KHDRBS2: variants seen among roughly 807,000 people sequenced by gnomAD.
KHDRBS2 encodes KH domain-containing, RNA-binding, signal transduction-associated protein 2.
A neutral mutation model predicts 44.3 loss-of-function variants in KHDRBS2; 26 were observed. The ratio of observed to expected loss-of-function variants is 0.59; its 90% CI spans 0.43 to 0.81. KHDRBS2 has a LOEUF of 0.81. Ranked by LOEUF, KHDRBS2 falls within the 40% of genes least tolerant of loss-of-function variation. The probability of loss-of-function intolerance (pLI) is 0.00; values close to 1 mark genes in which losing one functional copy is unlikely to be tolerated. For missense variants in KHDRBS2, 476 were observed against 433.1 expected, an observed-to-expected ratio of 1.10 and a Z score of -0.88; for synonymous variants, 194 against 151.1, an observed-to-expected ratio of 1.28 and a Z score of -2.08.
At chr6:61,910,561 T>C (rs766639859) in intron 4 of KHDRBS2, among the ~76,000 whole-genome samples, 55 of 152,186 alleles carry the variant, frequency 3.6e-4, no homozygotes, top group Admixed American at 1.8e-3. Flanking sequence ...GAGAATAAGA[T>C]AGTACCAATA....
intron 1 of KHDRBS2, among the ~76,000 whole-genome samples, chr6:62,269,268 TCTC>T (rs74995324): frequency 0.21 from 31,223 of 151,708 alleles, 4,056 homozygotes; most frequent in African/African-American, 0.38. Flanking sequence ...ATTAATAACT[TCTC>T]CTCTCTGAAA....
At chr6:62,008,729 G>A (rs1779737292) in intron 3 of KHDRBS2, among the ~76,000 whole-genome samples, 2 of 151,996 alleles carry the variant, frequency 1.3e-5, no homozygotes, top group Admixed American at 1.3e-4. Flanking sequence ...ATATTGAATG[G>A]GCCTCACAAG....
At chr6:62,110,460 A>G (rs548711586) in intron 2 of KHDRBS2, among the ~76,000 whole-genome samples, 1 of 152,202 alleles carries the variant, frequency 6.6e-6, no homozygotes, top group African/African-American at 2.4e-5. Context: ...CATCACATCA[A>G]TGAACAAAGA....
intron 1 of KHDRBS2, among the ~76,000 whole-genome samples, chr6:62,191,253 A>C (rs1824539558): frequency 6.6e-6 from 1 of 152,068 alleles, no homozygotes; most frequent in Non-Finnish European, 1.5e-5. Context: ...ACCACTTTCT[A>C]GTCTTCTTTC....
At chr6:61,632,057 T>C in the KHDRBS2 span, among the ~76,000 whole-genome samples, 3 of 152,206 alleles carry the variant, frequency 2.0e-5, no homozygotes, top group Non-Finnish European at 4.4e-5. Context: ...AGTGTCCACT[T>C]ACATGCCCTT....
At chr6:62,004,906 C>T (rs959188543) in intron 3 of KHDRBS2, among the ~76,000 whole-genome samples, 3 of 152,076 alleles carry the variant, frequency 2.0e-5, no homozygotes, top group African/African-American at 7.2e-5. Flanking sequence ...GAACCAAAGA[C>T]AAAAACCACA....
At chr6:62,084,014 C>T (rs1030404255) in intron 2 of KHDRBS2, among the ~76,000 whole-genome samples, 11 of 152,182 alleles carry the variant, frequency 7.2e-5, no homozygotes, top group Non-Finnish European at 1.3e-4. Flanking sequence ...AATTTTCATA[C>T]GTTAGAGAAT....
intron 2 of KHDRBS2, among the ~76,000 whole-genome samples, chr6:62,055,066 T>C (rs192654798): frequency 6.2e-4 from 94 of 152,174 alleles, no homozygotes; most frequent in African/African-American, 2.2e-3. Context: ...AATTTTCTAA[T>C]ATTTTTAAAA....
At chr6:61,708,223 A>G (rs1163036057) in intron 7 of KHDRBS2, among the ~76,000 whole-genome samples, 2 of 151,640 alleles carry the variant, frequency 1.3e-5, no homozygotes. Context: ...AACCACATCA[A>G]CCCTTTAAAC....
At chr6:61,883,043 C>T (rs1800421127) in intron 6 of KHDRBS2, among the ~76,000 whole-genome samples, 1 of 151,914 alleles carries the variant, frequency 6.6e-6, no homozygotes, top group Non-Finnish European at 1.5e-5. Context: ...CTATAATGAA[C>T]TCAGAAGGAA....
At chr6:61,880,459 T>G (rs2127316223) in intron 6 of KHDRBS2, among the ~76,000 whole-genome samples, 1 of 152,018 alleles carries the variant, frequency 6.6e-6, no homozygotes, top group African/African-American at 2.4e-5. Context: ...AGTGTATATT[T>G]TATGTAAAAG....
chr6:62,239,321 C>G (rs1834200128), intron 1 of KHDRBS2, among the ~76,000 whole-genome samples: 3 of 152,124 alleles, frequency 2.0e-5, no homozygotes, highest in South Asian at 2.1e-4. Flanking sequence ...ACCTGTAATC[C>G]TAGCAATCTG....
At chr6:62,098,467 A>T (rs1193256024) in intron 2 of KHDRBS2, among the ~76,000 whole-genome samples, 1 of 151,014 alleles carries the variant, frequency 6.6e-6, no homozygotes, top group Non-Finnish European at 1.5e-5. Context: ...CTATATCATC[A>T]CACTCCCTCC....
At chr6:61,672,382 A>T in the KHDRBS2 span, among the ~76,000 whole-genome samples, 1 of 152,086 alleles carries the variant, frequency 6.6e-6, no homozygotes, top group Admixed American at 6.6e-5. Context: ...GGCTGGGTCA[A>T]ATGGTATTTC....
intron 1 of KHDRBS2, among the ~76,000 whole-genome samples, chr6:62,236,817 G>A (rs564340794): frequency 3.3e-4 from 50 of 152,122 alleles, no homozygotes; most frequent in African/African-American, 9.2e-4. Context: ...TGTGCTTGGC[G>A]TAACTTACAG....
At chr6:62,003,220 A>G (rs1218378273) in intron 3 of KHDRBS2, among the ~76,000 whole-genome samples, 1 of 152,054 alleles carries the variant, frequency 6.6e-6, no homozygotes, top group Non-Finnish European at 1.5e-5. Context: ...TCAAGGCTGC[A>G]GTGAGCTACT....
chr6:61,680,330 C>T lies in KHDRBS2; in HGVS notation c.*633G>A, dbSNP rs1198283266. On this transcript the variant is annotated 3_prime_UTR_variant, in exon 9 of 9. Coordinates refer to ENST00000281156, the MANE Select transcript of KHDRBS2 (RefSeq NM_152688.4). Reference sequence around the variant, plus strand: ...TATTTAGAGAAGCTTACACATGGAACTTTATGTGTGTTTTTTTTTCTTTTT... The same window carrying T: ...TATTTAGAGAAGCTTACACATGGAATTTTATGTGTGTTTTTTTTTCTTTTT... The T allele has an allele frequency of 6.7e-6, 1 of 149,896 alleles. No individual in the cohort carries two copies. Among genetic ancestry groups the T allele is most frequent in the Non-Finnish European group, 1.5e-5 (1 of 67,086 alleles). 9.3% of individuals were successfully genotyped at this position (149,896 alleles called of 1,614,324 possible).
chr6:61,687,576 T>C (rs1361950358), intron 8 of KHDRBS2, among the ~76,000 whole-genome samples: 1 of 151,926 alleles, frequency 6.6e-6, no homozygotes, highest in Non-Finnish European at 1.5e-5. Context: ...TGCATTACTA[T>C]CCTGCCTTTT....
chr6:61,813,805 T>G (rs1381662483), intron 6 of KHDRBS2: 1 of 398,324 alleles, frequency 2.5e-6, no homozygotes, highest in Non-Finnish European at 5.0e-6. Context: ...TAGATAGTGG[T>G]TAATTATAAC....
Sources: allele counts gnomAD v4.1 joint callset (sites outside exome capture counted in the v4.1 genomes callset), GRCh38; gene constraint gnomAD v4.1.1; transcripts MANE v1.5; gene names NCBI Gene and HGNC (gene_info 2026-07-23, HGNC 2026-07-21).